The following KCNG2 variants were observed in gnomAD, a reference collection of about 807,000 sequenced individuals.
KCNG2 encodes the protein potassium voltage-gated channel modifier subfamily G member 2, also known as voltage-gated potassium channel regulatory subunit KCNG2.
Under a neutral mutation model 12.3 loss-of-function variants are expected in KCNG2, and 7 were observed. That is an observed-to-expected ratio of 0.57 (90% CI 0.32 to 1.07). The LOEUF is 1.07. Ranked by LOEUF, KCNG2 falls within the 50% of genes least tolerant of loss-of-function variation. The probability of loss-of-function intolerance (pLI) is 0.04; values close to 1 mark genes in which losing one functional copy is unlikely to be tolerated. For synonymous variants in KCNG2, 414 were observed against 351.4 expected (o/e 1.18, Z -1.99); for missense variants, 703 against 726.0 (o/e 0.97, Z 0.36).
rs1217045151 is a variant in KCNG2, at chr18:79,900,065, C to T, written c.*249C>T. ...CTTTCCTTGGATTTTTAATTTTCTA[C>T]GCCTAGCTAAAAATAAATTTAGTAA... is the stretch of plus-strand genomic sequence containing the variant. On this transcript the variant is annotated 3_prime_UTR_variant, in exon 4 of 4. Coordinates refer to ENST00000316249, the MANE Select transcript of KCNG2 (RefSeq NM_012283.2). 3.3e-5 allele frequency: 12 copies of T among 359,798 alleles called. No individual in the cohort carries two copies. Among genetic ancestry groups the T allele is most frequent in the East Asian group, 2.5e-4 (6 of 23,776 alleles). 22.3% of individuals were successfully genotyped at this position (359,798 alleles called of 1,614,324 possible).
intron 3 of KCNG2, among the ~76,000 whole-genome samples, chr18:79,887,986 C>T (rs1451359570): frequency 6.6e-6 from 1 of 152,212 alleles, no homozygotes; most frequent in Non-Finnish European, 1.5e-5. Context: ...GCCTTGGAGA[C>T]AGATGGTGAA....
intron 1 of KCNG2, among the ~76,000 whole-genome samples, chr18:79,809,247 T>C (rs369497662): frequency 3.9e-4 from 18 of 46,412 alleles, no homozygotes; most frequent in South Asian, 5.8e-3. Context: ...CTCCACGTTA[T>C]GGGCCCAGAG....
intron 1 of KCNG2, among the ~76,000 whole-genome samples, chr18:79,817,873 G>A (rs1030276965): frequency 2.6e-5 from 4 of 152,204 alleles, no homozygotes; most frequent in East Asian, 1.9e-4. Context: ...GTTTGAGCCC[G>A]TGGAAGCCCA....
intron 1 of KCNG2, among the ~76,000 whole-genome samples, chr18:79,841,443 G>T (rs1016415968): frequency 6.6e-6 from 1 of 152,158 alleles, no homozygotes; most frequent in Non-Finnish European, 1.5e-5. Flanking sequence ...CTCTGCAAAA[G>T]ACCTTGTGTG....
intron 3 of KCNG2, among the ~76,000 whole-genome samples, chr18:79,871,330 A>T (rs551308319): frequency 7.9e-4 from 121 of 152,318 alleles, no homozygotes; most frequent in Non-Finnish European, 1.4e-3. Context: ...CATGGCAAGG[A>T]TGGACATAGG....
chr18:79,872,292 T>TTTGTTTTG (rs1334525807), intron 3 of KCNG2, among the ~76,000 whole-genome samples: 5 of 134,830 alleles, frequency 3.7e-5, no homozygotes, highest in South Asian at 2.6e-4. Flanking sequence ...TTTTTTTTTT[T>TTTGTTTTG]TTTTTTTTTT....
At chr18:79,890,603 G>A (rs190445448) in intron 3 of KCNG2, among the ~76,000 whole-genome samples, 8 of 152,152 alleles carry the variant, frequency 5.3e-5, no homozygotes, top group South Asian at 2.1e-4. Context: ...ATTTGCTTAG[G>A]ATAATAGCCT....
At chr18:79,896,641 AT>A in intron 3 of KCNG2, among the ~76,000 whole-genome samples, 1 of 152,286 alleles carries the variant, frequency 6.6e-6, no homozygotes, top group Non-Finnish European at 1.5e-5. Context: ...AAATTCATTT[AT>A]AGTGTCTTTT....
intron 1 of KCNG2, among the ~76,000 whole-genome samples, chr18:79,832,424 C>G (rs947422334): frequency 2.6e-5 from 4 of 151,476 alleles, no homozygotes; most frequent in African/African-American, 9.7e-5. Flanking sequence ...CTCACCTGCT[C>G]TCACCTGTCC....
intron 2 of KCNG2, among the ~76,000 whole-genome samples, chr18:79,859,743 T>C (rs960273782): frequency 2.0e-5 from 3 of 152,262 alleles, no homozygotes; most frequent in African/African-American, 4.8e-5. Context: ...CTCCATTGAA[T>C]AGTCTTGACG....
At chr18:79,833,013 G>T (rs1978304652) in intron 1 of KCNG2, among the ~76,000 whole-genome samples, 1 of 150,580 alleles carries the variant, frequency 6.6e-6, no homozygotes, top group African/African-American at 2.4e-5. Flanking sequence ...TTTAAAATTG[G>T]CAATGAAGGA....
intron 1 of KCNG2, among the ~76,000 whole-genome samples, chr18:79,799,835 C>G (rs1339661607): frequency 1.3e-5 from 2 of 151,984 alleles, no homozygotes; most frequent in Admixed American, 1.3e-4. Context: ...AGCTATGATT[C>G]GGGGTTTCTG....
At chr18:79,892,175 G>A (rs540997779) in intron 3 of KCNG2, among the ~76,000 whole-genome samples, 9 of 150,432 alleles carry the variant, frequency 6.0e-5, no homozygotes, top group Middle Eastern at 7.0e-3. Flanking sequence ...ATTATGGAAT[G>A]TCTCTTTCTC....
At chr18:79,898,632 CT>C (rs1262465012) in intron 3 of KCNG2, among the ~76,000 whole-genome samples, 3 of 152,244 alleles carry the variant, frequency 2.0e-5, no homozygotes, top group Admixed American at 6.5e-5. Flanking sequence ...GCGTCTCCCC[CT>C]GGCCAAGCTG....
At chr18:79,804,597 A>C (rs2087435325) in intron 1 of KCNG2, among the ~76,000 whole-genome samples, 1 of 152,236 alleles carries the variant, frequency 6.6e-6, no homozygotes, top group Admixed American at 6.5e-5. Flanking sequence ...TCTGTGCTTC[A>C]GTCAAGTCTG....
In KCNG2 at chr18:79,899,406, G is replaced by T; in HGVS notation, c.991G>T (p.Val331Leu). The T allele has an allele frequency of 6.3e-7, 1 of 1,583,182 alleles. No homozygotes were observed. ...EFGLLLLFLC[V>L]AMALFAPLVH... ...CGGGCTGCTGCTGCTGTTCCTCTGC[G>T]TGGCCATGGCGCTCTTCGCGCCACT... Residue 331 changes from valine to leucine, a missense_variant, in exon 4 of 4, where the codon GTG becomes TTG. Transcript: ENST00000316249.
In KCNG2 at chr18:79,865,530, T is replaced by TGCTGAGGTCTGGGTGCTGAGAGGTCTGA. The variant is rs1568262083; in HGVS notation, c.624+1240_624+1241insCTGAGGTCTGGGTGCTGAGAGGTCTGAG. Among the ~76,000 whole-genome samples the TGCTGAGGTCTGGGTGCTGAGAGGTCTGA allele has an allele frequency of 4.0e-3, 231 of 58,234 alleles. 21 individuals carry two copies. Among genetic ancestry groups the TGCTGAGGTCTGGGTGCTGAGAGGTCTGA allele is most frequent in the African/African-American group, 0.012 (215 of 17,750 alleles). The allele number at this position is 58,234 out of a possible 152,430, so 38.2% of individuals were successfully genotyped here. On this transcript the variant is annotated intron_variant, in intron 3 of 3. Transcript: ENST00000316249. ...TGAGAGGTCTGGGTGCTGAGGTCTGTGTGCTGAGAGGTCTGGGTGCTGAGG... is the reference window on the plus strand; with the variant it reads ...TGAGAGGTCTGGGTGCTGAGGTCTGTGCTGAGGTCTGGGTGCTGAGAGGTCTGAGTGCTGAGAGGTCTGGGTGCTGAGG...
chr18:79,834,864 C>T (rs1053971288), intron 1 of KCNG2, among the ~76,000 whole-genome samples: 3 of 152,222 alleles, frequency 2.0e-5, no homozygotes, highest in Non-Finnish European at 2.9e-5. Context: ...GGAGAAGGCA[C>T]ATCACCGAAT....
intron 3 of KCNG2, among the ~76,000 whole-genome samples, chr18:79,880,852 G>A (rs1423126254): frequency 2.0e-5 from 3 of 152,174 alleles, no homozygotes; most frequent in East Asian, 1.9e-4. Flanking sequence ...AATGCCAGCT[G>A]TTCATCTCAA....
Sources: allele counts gnomAD v4.1 joint callset (sites outside exome capture counted in the v4.1 genomes callset), GRCh38; gene constraint gnomAD v4.1.1; transcripts MANE v1.5; gene names NCBI Gene and HGNC (gene_info 2026-07-23, HGNC 2026-07-21).